CUEDC1: variants seen among roughly 807,000 people sequenced by gnomAD.
The protein encoded by CUEDC1 is CUE domain containing 1.
A neutral mutation model predicts 43.7 loss-of-function variants in CUEDC1; 30 were observed. The ratio of observed to expected loss-of-function variants is 0.69; its 90% CI spans 0.51 to 0.93. The LOEUF (loss-of-function observed/expected upper bound fraction) is 0.93, where lower values mean the gene tolerates loss of function less well. Ranked by LOEUF, CUEDC1 falls within the 40% of genes least tolerant of loss-of-function variation. The pLI is 0.00. For synonymous variants in CUEDC1, 223 were observed against 223.6 expected (o/e 1.00, Z 0.02); for missense variants, 486 against 549.0 (o/e 0.89, Z 1.15).
rs576846984 is a variant in CUEDC1 at position 57,897,753 on chromosome 17, G to A, written c.-315-11874C>T. Reference sequence around the variant, plus strand: ...ATTATGGCCAGGCGCGGTAGCTCACGCCTGTAATCCCAGCACTTTGGGAGG... The same window carrying A: ...ATTATGGCCAGGCGCGGTAGCTCACACCTGTAATCCCAGCACTTTGGGAGG... On this transcript the variant is annotated intron_variant, in intron 1 of 10. Coordinates refer to ENST00000577830, the MANE Select transcript of CUEDC1 (RefSeq NM_001271875.2). 9.9e-4 allele frequency among the ~76,000 whole-genome samples: 151 copies of A among 151,902 alleles called. 2 individuals are homozygous for A. The highest frequency in any genetic ancestry group is 3.4e-3 in the African/African-American group (140 of 41,444).
At chr17:57,923,552 G>A (rs1394364559) in intron 1 of CUEDC1, among the ~76,000 whole-genome samples, 4 of 152,236 alleles carry the variant, frequency 2.6e-5, no homozygotes, top group African/African-American at 9.6e-5. Context: ...GTATAGGACA[G>A]CATGGCCTGC....
At chr17:57,865,183 G>A (rs577899006) in intron 10 of CUEDC1, among the ~76,000 whole-genome samples, 5 of 152,334 alleles carry the variant, frequency 3.3e-5, no homozygotes, top group South Asian at 2.1e-4. Context: ...TAGTAGCAGC[G>A]TGGGGTGACA....
chr17:57,865,979 C>T (rs963325574), intron 10 of CUEDC1, among the ~76,000 whole-genome samples: 10 of 152,146 alleles, frequency 6.6e-5, no homozygotes, highest in South Asian at 2.1e-4. Context: ...CTTGCCACCA[C>T]GCCAGGCTAA....
At chr17:57,917,750 C>T (rs1396659522) in intron 1 of CUEDC1, among the ~76,000 whole-genome samples, 1 of 152,206 alleles carries the variant, frequency 6.6e-6, no homozygotes, top group Admixed American at 6.5e-5. Flanking sequence ...AGGCTCAACA[C>T]CTGCCACATC....
intron 1 of CUEDC1, among the ~76,000 whole-genome samples, chr17:57,924,779 C>G (rs1035629316): frequency 3.9e-5 from 6 of 152,240 alleles, no homozygotes; most frequent in African/African-American, 1.4e-4. Flanking sequence ...GTACCACAGC[C>G]AGGTCCCTCC....
intron 2 of CUEDC1, 118 bp from the exon 3 acceptor site, chr17:57,879,856 G>T: frequency 9.6e-7 from 1 of 1,043,450 alleles, no homozygotes. Context: ...TGTGTTGCTA[G>T]TGGGAGTGTA....
chr17:57,922,141 G>GA (rs35919243), intron 1 of CUEDC1, among the ~76,000 whole-genome samples: 4,879 of 152,172 alleles, frequency 0.032, 291 homozygotes, highest in African/African-American at 0.11. Flanking sequence ...CAGATCTGCA[G>GA]AAAAAGCAGC....
chr17:57,866,146 A>G (rs2073954219), intron 10 of CUEDC1, among the ~76,000 whole-genome samples: 1 of 152,102 alleles, frequency 6.6e-6, no homozygotes. Context: ...TCATCCTCTC[A>G]GTGTGCTACG....
At chr17:57,914,049 C>A (rs1359321165) in intron 1 of CUEDC1, among the ~76,000 whole-genome samples, 1 of 152,180 alleles carries the variant, frequency 6.6e-6, no homozygotes, top group Non-Finnish European at 1.5e-5. Context: ...CCACTGTGCC[C>A]GTTGGTGGCC....
intron 1 of CUEDC1, among the ~76,000 whole-genome samples, chr17:57,917,874 T>A (rs952575568): frequency 2.0e-5 from 3 of 152,148 alleles, no homozygotes; most frequent in Non-Finnish European, 4.4e-5. Flanking sequence ...CCCCAAGGCT[T>A]TTTTGCCTTG....
chr17:57,918,852 A>G (rs1310692270), intron 1 of CUEDC1, among the ~76,000 whole-genome samples: 1 of 150,868 alleles, frequency 6.6e-6, no homozygotes, highest in Non-Finnish European at 1.5e-5. Context: ...GTCAATTTTT[A>G]TTTTTATTTT....
At chr17:57,929,841 G>A (rs2074786609) in intron 1 of CUEDC1, among the ~76,000 whole-genome samples, 1 of 152,044 alleles carries the variant, frequency 6.6e-6, no homozygotes, top group Non-Finnish European at 1.5e-5. Context: ...CGCTCTTGTT[G>A]CCCAGGCTGG....
At chr17:57,867,045 C>A (rs138533956) in intron 9 of CUEDC1, 9 of 469,962 alleles carry the variant, frequency 1.9e-5, no homozygotes, top group African/African-American at 1.7e-4. Context: ...GGCCGAGGGT[C>A]CCCCATGGGG....
intron 1 of CUEDC1, among the ~76,000 whole-genome samples, chr17:57,887,515 T>C (rs1162228960): frequency 6.6e-6 from 1 of 151,556 alleles, no homozygotes; most frequent in Non-Finnish European, 1.5e-5. Flanking sequence ...TTTTTTTTTT[T>C]CGGTCTCACT....
intron 1 of CUEDC1, among the ~76,000 whole-genome samples, chr17:57,918,593 CCTGTTTAAT>C (rs1262772141): frequency 6.6e-6 from 1 of 152,190 alleles, no homozygotes; most frequent in East Asian, 1.9e-4. Context: ...ACCTGTTTAA[CCTGTTTAAT>C]AAATATTTGA....
intron 3 of CUEDC1, 63 bp downstream of exon 3, chr17:57,879,548 A>G: frequency 6.6e-7 from 1 of 1,505,648 alleles, no homozygotes; most frequent in Non-Finnish European, 8.8e-7. Context: ...TTGTTTGTAC[A>G]CAGCCCCAGC....
intron 1 of CUEDC1, among the ~76,000 whole-genome samples, chr17:57,915,655 G>T (rs1598007131): frequency 6.6e-6 from 1 of 152,122 alleles, no homozygotes; most frequent in African/African-American, 2.4e-5. Flanking sequence ...GTCCGGCCTG[G>T]GTATCCTTGC....
At chr17:57,916,874 CA>C (rs2074647493) in intron 1 of CUEDC1, among the ~76,000 whole-genome samples, 1 of 152,164 alleles carries the variant, frequency 6.6e-6, no homozygotes, top group Admixed American at 6.5e-5. Flanking sequence ...TTTCATTATT[CA>C]CTTCTCTGAG....
At chr17:57,935,396 C>CACACACAA (rs2074850819) in intron 1 of CUEDC1, among the ~76,000 whole-genome samples, 1 of 146,522 alleles carries the variant, frequency 6.8e-6, no homozygotes, top group African/African-American at 2.6e-5. Flanking sequence ...CACACACACA[C>CACACACAA]ACACACACAA....
Sources: gnomAD v4.1 joint callset for allele counts (sites outside exome capture counted in the v4.1 genomes callset) on GRCh38, gnomAD v4.1.1 for gene constraint, MANE v1.5 for transcripts, NCBI Gene and HGNC (gene_info 2026-07-23, HGNC 2026-07-21) for gene names.